ZMIZ1: variants seen among roughly 807,000 people sequenced by gnomAD.
ZMIZ1 encodes the protein zinc finger MIZ domain-containing protein 1.
A neutral mutation model predicts 113.9 loss-of-function variants in ZMIZ1; 17 were observed. The observed-to-expected ratio is 0.15, with a 90% CI of 0.10 to 0.22. ZMIZ1 has a LOEUF of 0.22. Ranked by LOEUF, ZMIZ1 falls within the 10% of genes least tolerant of loss-of-function variation. The probability of loss-of-function intolerance (pLI) is 1.00; values close to 1 mark genes in which losing one functional copy is unlikely to be tolerated. For synonymous variants in ZMIZ1, 607 were observed against 603.1 expected (o/e 1.01, Z -0.09); for missense variants, 1,059 against 1,477.8 (o/e 0.72, Z 4.65).
chr10:79,276,381 T>G (rs1852291035), intron 7 of ZMIZ1, among the ~76,000 whole-genome samples: 1 of 152,246 alleles, frequency 6.6e-6, no homozygotes, highest in Non-Finnish European at 1.5e-5. Flanking sequence ...GTGGGGACAG[T>G]GAACAGTGAA....
At chr10:79,258,334 T>A (rs775598059) in intron 7 of ZMIZ1, among the ~76,000 whole-genome samples, 3 of 152,098 alleles carry the variant, frequency 2.0e-5, no homozygotes, top group Non-Finnish European at 2.9e-5. Flanking sequence ...CAGTGAACCA[T>A]GTTTGCAGCA....
At chr10:79,242,334 C>A (rs1445565077) in intron 7 of ZMIZ1, among the ~76,000 whole-genome samples, 1 of 152,052 alleles carries the variant, frequency 6.6e-6, no homozygotes, top group African/African-American at 2.4e-5. Flanking sequence ...GCCGCCAGCT[C>A]CTGGTCACAG....
At chr10:79,105,002 G>A (rs1407068557) in intron 1 of ZMIZ1, among the ~76,000 whole-genome samples, 1 of 146,264 alleles carries the variant, frequency 6.8e-6, no homozygotes, top group Non-Finnish European at 1.5e-5. Flanking sequence ...TGTCTTAACT[G>A]CCATGGGTTT....
chr10:79,246,578 G>C (rs905583646), intron 7 of ZMIZ1, among the ~76,000 whole-genome samples: 2 of 152,160 alleles, frequency 1.3e-5, no homozygotes, highest in Admixed American at 1.3e-4. Flanking sequence ...CCAGCAGGGA[G>C]AAGGATTTCG....
intron 6 of ZMIZ1, among the ~76,000 whole-genome samples, chr10:79,213,560 G>A (rs1011874302): frequency 6.6e-6 from 1 of 152,194 alleles, no homozygotes; most frequent in African/African-American, 2.4e-5. Context: ...ACAGCACCAA[G>A]CCCCTCTAGC....
rs1393796896 is a variant in ZMIZ1 at position 79,305,609 on chromosome 10, G to A, written c.2423+8G>A. On this transcript the variant is annotated splice_region_variant and intron_variant, in intron 21 of 24. Coordinates refer to ENST00000334512, the MANE Select transcript of ZMIZ1 (RefSeq NM_020338.4). Reference sequence around the variant, plus strand: ...CCTGAATGCCATCCAACAGTAAGTGGGGCCCTAGCGAGGGGCAGGGGGTGG... The same window carrying A: ...CCTGAATGCCATCCAACAGTAAGTGAGGCCCTAGCGAGGGGCAGGGGGTGG... The A allele has an allele frequency of 6.2e-7, 1 of 1,613,812 alleles. No homozygotes were observed. Among genetic ancestry groups the A allele is most frequent in the Admixed American group, 1.7e-5 (1 of 60,016 alleles).
At chr10:79,293,336 T>A in intron 11 of ZMIZ1, 45 bp from the exon 12 acceptor site, 1 of 1,502,308 alleles carries the variant, frequency 6.7e-7, no homozygotes. Flanking sequence ...GGCATTTTAT[T>A]CTTTTTTTTT....
intron 4 of ZMIZ1, among the ~76,000 whole-genome samples, chr10:79,172,329 C>G (rs536627465): frequency 6.6e-6 from 1 of 152,176 alleles, no homozygotes; most frequent in Non-Finnish European, 1.5e-5. Flanking sequence ...CAGACCCACC[C>G]TCCCTAGAGC....
chr10:79,208,647 T>C (rs1330282540), intron 6 of ZMIZ1, among the ~76,000 whole-genome samples, 198 bp downstream of exon 6: 1 of 152,188 alleles, frequency 6.6e-6, no homozygotes. Context: ...CTGGAGTTGA[T>C]GAGGAGGCAC....
At chr10:79,260,905 C>CAA (rs1851220628) in intron 7 of ZMIZ1, among the ~76,000 whole-genome samples, 1 of 152,192 alleles carries the variant, frequency 6.6e-6, no homozygotes, top group African/African-American at 2.4e-5. Context: ...CCTATCAAAT[C>CAA]AGGGTAGTTG....
chr10:79,215,523 T>C (rs1227020884), intron 6 of ZMIZ1, among the ~76,000 whole-genome samples: 1 of 152,192 alleles, frequency 6.6e-6, no homozygotes, highest in Admixed American at 6.5e-5. Flanking sequence ...GGTCTCGAAC[T>C]CTTGACCTCA....
At chr10:79,277,043 G>GT (rs1852336617) in intron 7 of ZMIZ1, 138 bp from the exon 8 acceptor site, 1 of 1,118,984 alleles carries the variant, frequency 8.9e-7, no homozygotes, top group East Asian at 2.9e-5. Flanking sequence ...AGAGGGCTGA[G>GT]TAAGTCTTCT....
chr10:79,302,004 C>G, intron 17 of ZMIZ1, 103 bp from the exon 18 acceptor site: 2 of 1,177,774 alleles, frequency 1.7e-6, no homozygotes, highest in Non-Finnish European at 2.5e-6. Context: ...GCCTCCTGGG[C>G]CGGCTGTGGG....
intron 2 of ZMIZ1, among the ~76,000 whole-genome samples, chr10:79,131,527 G>A (rs1051380579): frequency 6.6e-6 from 1 of 152,038 alleles, no homozygotes; most frequent in Non-Finnish European, 1.5e-5. Context: ...AGTTTTTCCT[G>A]TCCTAATGAT....
chr10:79,256,309 T>C (rs1850897427), intron 7 of ZMIZ1, among the ~76,000 whole-genome samples: 1 of 152,174 alleles, frequency 6.6e-6, no homozygotes, highest in Non-Finnish European at 1.5e-5. Flanking sequence ...CCTGTGGCTC[T>C]TCCATGTCAC....
intron 2 of ZMIZ1, among the ~76,000 whole-genome samples, chr10:79,138,969 G>C (rs1459456296): frequency 2.0e-5 from 3 of 151,832 alleles, no homozygotes; most frequent in Non-Finnish European, 4.4e-5. Flanking sequence ...GAATCCTAAA[G>C]AGCGTGGAGG....
At chr10:79,308,374 C>A (rs144167108) in intron 23 of ZMIZ1, among the ~76,000 whole-genome samples, 1 of 152,170 alleles carries the variant, frequency 6.6e-6, no homozygotes, top group Non-Finnish European at 1.5e-5. Context: ...CTGAAGCCTC[C>A]GGAGGCTGAA....
intron 7 of ZMIZ1, among the ~76,000 whole-genome samples, chr10:79,252,485 A>G (rs2132891653): frequency 6.6e-6 from 1 of 152,142 alleles, no homozygotes; most frequent in Admixed American, 6.5e-5. Flanking sequence ...TTACCTAAAT[A>G]GAAACCAGCC....
chr10:79,145,843 A>C (rs951923210), intron 3 of ZMIZ1, among the ~76,000 whole-genome samples: 1 of 152,136 alleles, frequency 6.6e-6, no homozygotes, highest in Non-Finnish European at 1.5e-5. Context: ...AATACCTGGG[A>C]CTATAGATGC....
Sources: gnomAD v4.1 joint callset for allele counts (sites outside exome capture counted in the v4.1 genomes callset) on GRCh38, gnomAD v4.1.1 for gene constraint, MANE v1.5 for transcripts, NCBI Gene and HGNC (gene_info 2026-07-23, HGNC 2026-07-21) for gene names.